TRPM7: variants seen among roughly 807,000 people sequenced by gnomAD.
The protein encoded by TRPM7 is LTRPC ion channel family member 7.
Under a neutral mutation model 229.7 loss-of-function variants are expected in TRPM7, and 134 were observed. That is an observed-to-expected ratio of 0.58 (90% confidence interval 0.51 to 0.67). TRPM7 has a LOEUF of 0.67. TRPM7 is among the 30% of genes least tolerant of loss of function. The pLI, the probability that TRPM7 is intolerant of heterozygous loss-of-function variation, is 0.00. For missense variants in TRPM7, 1,901 were observed against 2,210.0 expected (o/e 0.86, Z 2.80); for synonymous variants, 699 against 715.2 (o/e 0.98, Z 0.36).
chr15:50,649,756 T>A (rs1333943777), intron 3 of TRPM7, among the ~76,000 whole-genome samples: 1 of 152,174 alleles, frequency 6.6e-6, no homozygotes, highest in South Asian at 2.1e-4. Flanking sequence ...GGCAGTCTCA[T>A]TGATTTGATA....
chr15:50,678,517 A>AAATAT (rs1234712751), intron 1 of TRPM7, among the ~76,000 whole-genome samples: 2 of 132,720 alleles, frequency 1.5e-5, no homozygotes, highest in African/African-American at 5.6e-5. Flanking sequence ...AAAAAAAAAA[A>AAATAT]ATATATATAT....
chr15:50,569,151 C>T (rs2053752905), intron 38 of TRPM7, among the ~76,000 whole-genome samples: 1 of 152,098 alleles, frequency 6.6e-6, no homozygotes, highest in South Asian at 2.1e-4. Context: ...CCTCTGGTAT[C>T]AGCCTCCTGA....
chr15:50,658,572 A>C (rs1292011918), intron 2 of TRPM7, among the ~76,000 whole-genome samples: 1 of 120,914 alleles, frequency 8.3e-6, no homozygotes, highest in African/African-American at 3.7e-5. Flanking sequence ...AAACTGTCTC[A>C]AAAAAAAAAA....
At chr15:50,679,524 ATATATATATATATAT>A (rs1567129350) in intron 1 of TRPM7, among the ~76,000 whole-genome samples, 5 of 45,674 alleles carry the variant, frequency 1.1e-4, no homozygotes, top group African/African-American at 4.2e-4. Flanking sequence ...ATATATATAT[ATATATATATATATAT>A]TTTTTTTTTT....
At position 50,559,638 on chromosome 15, in the gene TRPM7, C is replaced by A. The variant is rs2053236199; in HGVS notation, c.*2040G>T. 6.6e-6 allele frequency: 1 copy of A among 152,214 alleles called. No individual in the cohort carries two copies. Among genetic ancestry groups the A allele is most frequent in the African/African-American group, 2.4e-5 (1 of 41,444 alleles). 9.4% of individuals were successfully genotyped at this position (152,214 alleles called of 1,614,324 possible). Reference sequence around the variant, plus strand: ...TATGGACGTTACTTTACCTCTCTAGCACCTTGACTTTCAAATCTGCAAAAC... The same window carrying A: ...TATGGACGTTACTTTACCTCTCTAGAACCTTGACTTTCAAATCTGCAAAAC... On this transcript the variant is annotated 3_prime_UTR_variant, in exon 39 of 39. Transcript: ENST00000646667.
chr15:50,618,438 C>T (rs1262451820), intron 13 of TRPM7, among the ~76,000 whole-genome samples: 1 of 151,954 alleles, frequency 6.6e-6, no homozygotes, highest in Admixed American at 6.6e-5. Flanking sequence ...GGCGTGGTGG[C>T]AGGTGCCTGT....
chr15:50,637,178 T>C (rs575997781), intron 7 of TRPM7, among the ~76,000 whole-genome samples: 6 of 151,910 alleles, frequency 3.9e-5, no homozygotes, highest in African/African-American at 1.4e-4. Context: ...TGAAATGGAA[T>C]TGCAATAACA....
intron 21 of TRPM7, 191 bp from the exon 22 acceptor site, chr15:50,599,487 T>C (rs2059719244): frequency 2.3e-6 from 1 of 430,986 alleles, no homozygotes; most frequent in African/African-American, 2.0e-5. Flanking sequence ...TCTAGGAGAT[T>C]ACGTAAAAAA....
chr15:50,576,081 CCCTATTTCATTA>C (rs1448300443), intron 31 of TRPM7, among the ~76,000 whole-genome samples, 162 bp from the exon 32 acceptor site: 1 of 152,154 alleles, frequency 6.6e-6, no homozygotes, highest in African/African-American at 2.4e-5. Flanking sequence ...TGCTATATTA[CCCTATTTCATTA>C]TGCCAGATTA....
intron 8 of TRPM7, among the ~76,000 whole-genome samples, 189 bp from the exon 9 acceptor site, chr15:50,633,181 C>T (rs1468685203): frequency 6.6e-6 from 1 of 152,042 alleles, no homozygotes. Context: ...ATAAATGAAA[C>T]GGAGTGATTT....
intron 28 of TRPM7, among the ~76,000 whole-genome samples, chr15:50,584,999 C>G (rs1052382924): frequency 6.6e-6 from 1 of 151,756 alleles, no homozygotes; most frequent in Non-Finnish European, 1.5e-5. Flanking sequence ...CCTCAGCCTC[C>G]CGAGTAGCTG....
At chr15:50,668,221 A>T (rs2061924096) in intron 1 of TRPM7, among the ~76,000 whole-genome samples, 1 of 152,204 alleles carries the variant, frequency 6.6e-6, no homozygotes. Context: ...AAAGGAAAAA[A>T]CATTCAGGAC....
chr15:50,625,741 T>C (rs1400940509), intron 11 of TRPM7, among the ~76,000 whole-genome samples: 2 of 152,180 alleles, frequency 1.3e-5, no homozygotes, highest in Admixed American at 1.3e-4. Context: ...GCCTTTTACA[T>C]GATGGAATTT....
rs36071575 is a variant in TRPM7, at chr15:50,628,419, C to T, written c.1205-170G>A. Among the ~76,000 whole-genome samples, 11,400 of 151,954 alleles carry T rather than the reference C, an allele frequency of 0.075. 551 individuals carry two copies. The highest frequency in any genetic ancestry group is 0.12 in the South Asian group (582 of 4,808). On this transcript the variant is annotated intron_variant, in intron 10 of 38. Coordinates refer to ENST00000646667, the MANE Select transcript of TRPM7 (RefSeq NM_017672.6). ...AATTCCTGGGTTCAAGTGTACCTCCCGCCTTAGCCTCCAAGTAGCCGAGAC... is the reference window on the plus strand; with the variant it reads ...AATTCCTGGGTTCAAGTGTACCTCCTGCCTTAGCCTCCAAGTAGCCGAGAC...
intron 8 of TRPM7, 146 bp from the exon 9 acceptor site, chr15:50,633,138 C>T: frequency 1.8e-6 from 1 of 564,208 alleles, no homozygotes; most frequent in Non-Finnish European, 2.7e-6. Flanking sequence ...TTTCTTCCTA[C>T]ATGAGACTCC....
chr15:50,613,930 T>C (rs1363792816), intron 14 of TRPM7, 89 bp from the exon 15 acceptor site: 1 of 1,467,380 alleles, frequency 6.8e-7, no homozygotes, highest in African/African-American at 1.4e-5. Context: ...TGTGTGCAAA[T>C]GTGTTTGTGT....
intron 1 of TRPM7, 92 bp from the exon 2 acceptor site, chr15:50,663,138 T>A: frequency 3.9e-6 from 4 of 1,014,060 alleles, no homozygotes; most frequent in Non-Finnish European, 4.4e-6. Flanking sequence ...CAGTTCTTTT[T>A]TTTTTTTGAG....
chr15:50,578,500 T>C (rs1204522312), intron 31 of TRPM7, 139 bp downstream of exon 31: 7 of 581,746 alleles, frequency 1.2e-5, no homozygotes, highest in African/African-American at 1.1e-4. Flanking sequence ...AGAAAGTATA[T>C]GAGGGAAGAA....
chr15:50,686,203 G>C (rs977365941), intron 1 of TRPM7, among the ~76,000 whole-genome samples: 2 of 152,216 alleles, frequency 1.3e-5, no homozygotes, highest in Non-Finnish European at 2.9e-5. Flanking sequence ...GCCCTGCGTC[G>C]GGCGCGCTGA....
Sources: allele counts gnomAD v4.1 joint callset (sites outside exome capture counted in the v4.1 genomes callset), GRCh38; gene constraint gnomAD v4.1.1; transcripts MANE v1.5; gene names NCBI Gene and HGNC (gene_info 2026-07-23, HGNC 2026-07-21).